Variants in SUGCT observed in about 807,000 individuals in gnomAD.
SUGCT encodes the protein succinyl-CoA:glutarate-CoA transferase.
Under a neutral mutation model 55.0 loss-of-function variants are expected in SUGCT, and 41 were observed. The ratio of observed to expected loss-of-function variants is 0.74; its 90% CI spans 0.58 to 0.97. SUGCT has a LOEUF of 0.97. Ranked by LOEUF, SUGCT falls within the 50% of genes least tolerant of loss-of-function variation. The probability of loss-of-function intolerance (pLI) is 0.00; values close to 1 mark genes in which losing one functional copy is unlikely to be tolerated. For missense variants in SUGCT, 568 were observed against 547.8 expected (o/e 1.04, Z -0.37); for synonymous variants, 187 against 200.4 (o/e 0.93, Z 0.56).
chr7:40,377,775 G>T (rs759849865), intron 9 of SUGCT, among the ~76,000 whole-genome samples: 17 of 152,112 alleles, frequency 1.1e-4, no homozygotes, highest in South Asian at 6.2e-4. Flanking sequence ...TACTTGTAGC[G>T]CAGGTTTGCT....
chr7:40,923,115 A>C, the SUGCT span, among the ~76,000 whole-genome samples: 1 of 152,216 alleles, frequency 6.6e-6, no homozygotes, highest in Non-Finnish European at 1.5e-5. Context: ...GAGACTCCTT[A>C]GCCTATAAAT....
chr7:40,318,942 A>G (rs1292604812), intron 9 of SUGCT, among the ~76,000 whole-genome samples: 1 of 152,166 alleles, frequency 6.6e-6, no homozygotes, highest in Non-Finnish European at 1.5e-5. Flanking sequence ...ATGTGCACCT[A>G]GAGTTCTGGC....
intron 9 of SUGCT, among the ~76,000 whole-genome samples, chr7:40,446,472 T>C (rs1788846194): frequency 6.6e-6 from 1 of 152,206 alleles, no homozygotes; most frequent in Non-Finnish European, 1.5e-5. Context: ...CTTTCTGTAG[T>C]TGAGAAACAC....
At chr7:40,408,929 T>G (rs1186768783) in intron 9 of SUGCT, among the ~76,000 whole-genome samples, 2 of 152,208 alleles carry the variant, frequency 1.3e-5, no homozygotes, top group Non-Finnish European at 2.9e-5. Flanking sequence ...CTTTATTTTC[T>G]GTTCTCTCTC....
intron 12 of SUGCT, among the ~76,000 whole-genome samples, chr7:40,546,127 A>G (rs1794976857): frequency 6.6e-6 from 1 of 152,162 alleles, no homozygotes; most frequent in Non-Finnish European, 1.5e-5. Flanking sequence ...GCCCTAGCTC[A>G]GACTTAGACA....
intron 6 of SUGCT, among the ~76,000 whole-genome samples, chr7:40,196,503 T>C (rs1307158533): frequency 2.0e-5 from 3 of 152,142 alleles, no homozygotes; most frequent in African/African-American, 7.2e-5. Context: ...TTTTTGGTAA[T>C]TGAGTCTGGT....
intron 6 of SUGCT, among the ~76,000 whole-genome samples, chr7:40,231,589 C>CA (rs150195886): frequency 2.0e-4 from 30 of 152,210 alleles, no homozygotes; most frequent in African/African-American, 6.0e-4. Flanking sequence ...GCAAAGGCCC[C>CA]ACCTTGGGAA....
chr7:40,377,992 T>A (rs2151274812), intron 9 of SUGCT, among the ~76,000 whole-genome samples: 1 of 152,314 alleles, frequency 6.6e-6, no homozygotes, highest in Middle Eastern at 3.4e-3. Context: ...ATGTAATGAA[T>A]TGCTTCTCTC....
intron 11 of SUGCT, among the ~76,000 whole-genome samples, chr7:40,485,406 CTATA>C (rs952768634): frequency 7.3e-6 from 1 of 137,554 alleles, no homozygotes; most frequent in African/African-American, 2.7e-5. Context: ...ATATATATAT[CTATA>C]TACATTCTTT....
At chr7:40,442,952 T>G (rs962729125) in intron 9 of SUGCT, among the ~76,000 whole-genome samples, 1 of 152,164 alleles carries the variant, frequency 6.6e-6, no homozygotes, top group Non-Finnish European at 1.5e-5. Flanking sequence ...AATTACCACC[T>G]ATGAGTGAGA....
chr7:40,301,087 GTAT>G (rs966249766), intron 8 of SUGCT, among the ~76,000 whole-genome samples: 2 of 152,058 alleles, frequency 1.3e-5, no homozygotes, highest in African/African-American at 4.8e-5. Flanking sequence ...ATGTCACTGG[GTAT>G]TATTATTATA....
chr7:40,369,103 T>TAA (rs549369289), intron 9 of SUGCT, among the ~76,000 whole-genome samples: 156 of 142,598 alleles, frequency 1.1e-3, no homozygotes, highest in African/African-American at 3.4e-3. Flanking sequence ...GACTCTATCT[T>TAA]AAAAAAAAAA....
At chr7:40,277,674 T>TTCGTTATTATTA (rs1792610519) in intron 8 of SUGCT, among the ~76,000 whole-genome samples, 1 of 57,858 alleles carries the variant, frequency 1.7e-5, no homozygotes, top group South Asian at 7.1e-4. Flanking sequence ...ATTTGTTCTT[T>TTCGTTATTATTA]TTGTTATTAT....
At chr7:41,009,487 T>C in the SUGCT span, among the ~76,000 whole-genome samples, 1 of 152,124 alleles carries the variant, frequency 6.6e-6, no homozygotes, top group Non-Finnish European at 1.5e-5. Flanking sequence ...ACTGGGTCCA[T>C]CTATGTATCC....
chr7:40,810,246 C>T (rs548658721), intron 13 of SUGCT, among the ~76,000 whole-genome samples: 38 of 152,188 alleles, frequency 2.5e-4, no homozygotes, highest in African/African-American at 7.9e-4. Flanking sequence ...CCACCTCAGC[C>T]TCCCAAGTAG....
chr7:40,954,944 T>C, the SUGCT span, among the ~76,000 whole-genome samples: 1 of 152,174 alleles, frequency 6.6e-6, no homozygotes, highest in South Asian at 2.1e-4. Context: ...GAACAGATGA[T>C]TGTAGATGTG....
At chr7:40,616,798 A>G (rs73122188) in intron 12 of SUGCT, among the ~76,000 whole-genome samples, 28,248 of 152,054 alleles carry the variant, frequency 0.19, 2,887 homozygotes, top group African/African-American at 0.26. Flanking sequence ...TCCAAGGGGA[A>G]TGGAGGCCTC....
At chr7:40,403,795 A>G (rs958342175) in intron 9 of SUGCT, among the ~76,000 whole-genome samples, 1 of 152,136 alleles carries the variant, frequency 6.6e-6, no homozygotes, top group African/African-American at 2.4e-5. Context: ...GCATGTTTTC[A>G]TGTTTTCTTT....
At chr7:40,518,821 T>G (rs1793383908) in intron 12 of SUGCT, among the ~76,000 whole-genome samples, 1 of 151,804 alleles carries the variant, frequency 6.6e-6, no homozygotes, top group South Asian at 2.1e-4. Context: ...CAAAGTTAGA[T>G]CAAATTTCAC....
Sources: allele counts gnomAD v4.1 joint callset (sites outside exome capture counted in the v4.1 genomes callset), GRCh38; gene constraint gnomAD v4.1.1; transcripts MANE v1.5; gene names NCBI Gene and HGNC (gene_info 2026-07-23, HGNC 2026-07-21).